COTL1: variants seen among roughly 807,000 people sequenced by gnomAD.
COTL1 encodes the protein coactosin like F-actin binding protein 1.
A neutral mutation model predicts 16.5 loss-of-function variants in COTL1; 15 were observed. The ratio of observed to expected loss-of-function variants is 0.91; its 90% CI spans 0.61 to 1.40. COTL1 has a LOEUF of 1.40. Among genes scored for constraint, COTL1 ranks in the 40% most tolerant of loss-of-function variants. COTL1 has a pLI of 0.00. For synonymous variants in COTL1, 112 were observed against 85.3 expected (o/e 1.31, Z -1.73); for missense variants, 220 against 201.5 (o/e 1.09, Z -0.56).
At chr16:84,578,576 C>T (rs1464078526) in intron 3 of COTL1, among the ~76,000 whole-genome samples, 2 of 152,138 alleles carry the variant, frequency 1.3e-5, no homozygotes, top group Non-Finnish European at 2.9e-5. Context: ...GAGGAACAGA[C>T]ACACACAGGC....
At chr16:84,574,982 C>A (rs1258483582) in intron 3 of COTL1, among the ~76,000 whole-genome samples, 3 of 152,128 alleles carry the variant, frequency 2.0e-5, no homozygotes, top group Admixed American at 1.3e-4. Context: ...ATTTGCCACG[C>A]TGGATTTTAA....
At chr16:84,583,256 G>C (rs749099600) in intron 3 of COTL1, among the ~76,000 whole-genome samples, 24 of 152,200 alleles carry the variant, frequency 1.6e-4, no homozygotes, top group Non-Finnish European at 2.5e-4. Flanking sequence ...GCAAGTGGCA[G>C]ACCTGGCCTC....
At chr16:84,594,652 T>C (rs1030423881) in intron 2 of COTL1, 1 of 152,222 alleles carries the variant, frequency 6.6e-6, no homozygotes, top group African/African-American at 2.4e-5. Context: ...TGGTAACCGC[T>C]CTCGGGTTCC....
chr16:84,588,069 G>A (rs919738139), intron 3 of COTL1, among the ~76,000 whole-genome samples: 4 of 152,026 alleles, frequency 2.6e-5, no homozygotes, highest in Admixed American at 2.6e-4. Context: ...ATGACACCTG[G>A]CCATATTGTT....
intron 2 of COTL1, among the ~76,000 whole-genome samples, chr16:84,593,998 G>A (rs997838955): frequency 6.6e-6 from 1 of 152,132 alleles, no homozygotes; most frequent in Non-Finnish European, 1.5e-5. Flanking sequence ...GCCTGTGCTG[G>A]ACATTTCATT....
chr16:84,609,149 A>G (rs1361497652), intron 2 of COTL1, among the ~76,000 whole-genome samples: 1 of 152,188 alleles, frequency 6.6e-6, no homozygotes, highest in African/African-American at 2.4e-5. Flanking sequence ...AGCTAGGGAA[A>G]AAATATTCAG....
At chr16:84,598,445 G>A (rs1396424977) in intron 2 of COTL1, among the ~76,000 whole-genome samples, 1 of 152,140 alleles carries the variant, frequency 6.6e-6, no homozygotes, top group Non-Finnish European at 1.5e-5. Flanking sequence ...AAGTTCATCT[G>A]TGTCAACAAA....
chr16:84,571,578 C>A (rs1395082013), intron 3 of COTL1, among the ~76,000 whole-genome samples: 1 of 152,194 alleles, frequency 6.6e-6, no homozygotes, highest in East Asian at 1.9e-4. Flanking sequence ...TGTGTCTTGT[C>A]CACCCCTTCC....
chr16:84,573,350 C>T (rs147756747), intron 3 of COTL1, among the ~76,000 whole-genome samples: 52 of 152,310 alleles, frequency 3.4e-4, no homozygotes, highest in East Asian at 1.4e-3. Context: ...AACACGAAAG[C>T]GTCTGAAAGA....
intron 3 of COTL1, among the ~76,000 whole-genome samples, chr16:84,588,719 G>A (rs1365726345): frequency 2.0e-5 from 3 of 152,030 alleles, no homozygotes; most frequent in African/African-American, 7.3e-5. Flanking sequence ...TTAATACTAT[G>A]TTGCCCAGGC....
chr16:84,588,550 C>G (rs1904787399), intron 3 of COTL1, among the ~76,000 whole-genome samples: 1 of 152,162 alleles, frequency 6.6e-6, no homozygotes, highest in African/African-American at 2.4e-5. Context: ...TGACTACACT[C>G]ACTCAGTCTG....
intron 3 of COTL1, among the ~76,000 whole-genome samples, chr16:84,578,221 T>C (rs992470398): frequency 1.1e-4 from 17 of 152,210 alleles, no homozygotes; most frequent in African/African-American, 3.6e-4. Context: ...CCATCAAAAC[T>C]GTGCCCAGCA....
intron 3 of COTL1, among the ~76,000 whole-genome samples, chr16:84,582,909 C>T (rs560396161): frequency 2.0e-4 from 30 of 152,342 alleles, no homozygotes; most frequent in African/African-American, 6.5e-4. Context: ...CTCCATTTCA[C>T]ACAGCAGCAC....
chr16:84,598,477 G>A (rs1259977803), intron 2 of COTL1, among the ~76,000 whole-genome samples: 1 of 152,126 alleles, frequency 6.6e-6, no homozygotes, highest in East Asian at 1.9e-4. Flanking sequence ...ACGTTCTCAG[G>A]ATACCGCCTG....
chr16:84,617,674 G>C (rs918928999), intron 1 of COTL1, 91 bp from the exon 2 acceptor site: 3 of 1,424,880 alleles, frequency 2.1e-6, no homozygotes, highest in East Asian at 5.0e-5. Context: ...TAACAGACGC[G>C]CTGGCCACGG....
At chr16:84,604,574 G>C (rs991677460) in intron 2 of COTL1, among the ~76,000 whole-genome samples, 2 of 151,954 alleles carry the variant, frequency 1.3e-5, no homozygotes, top group East Asian at 3.9e-4. Flanking sequence ...TGTGTTGGGG[G>C]GATGAGTGAC....
chr16:84,567,853 A>G (rs552984829), intron 3 of COTL1: 1 of 152,162 alleles, frequency 6.6e-6, no homozygotes, highest in South Asian at 2.1e-4. Context: ...CCATATGTGG[A>G]TCATAAGACT....
At chr16:84,594,862 G>GGC (rs1177023475) in intron 2 of COTL1, 1 of 152,728 alleles carries the variant, frequency 6.5e-6, no homozygotes, top group African/African-American at 2.4e-5. Context: ...CCCCTCCCAC[G>GGC]GCTCTGGCTG....
intron 2 of COTL1, among the ~76,000 whole-genome samples, chr16:84,615,362 C>T (rs934674858): frequency 2.6e-5 from 4 of 152,216 alleles, no homozygotes; most frequent in Non-Finnish European, 4.4e-5. Flanking sequence ...AAACCACAAG[C>T]CTGTGGGAGG....
Sources: gnomAD v4.1 joint callset for allele counts (sites outside exome capture counted in the v4.1 genomes callset) on GRCh38, gnomAD v4.1.1 for gene constraint, MANE v1.5 for transcripts, NCBI Gene and HGNC (gene_info 2026-07-23, HGNC 2026-07-21) for gene names.